The following UBASH3B variants were observed in gnomAD, a reference collection of about 807,000 sequenced individuals.
UBASH3B encodes ubiquitin-associated and SH3 domain-containing protein B.
A neutral mutation model predicts 83.4 loss-of-function variants in UBASH3B; 37 were observed. The observed-to-expected ratio is 0.44, with a 90% CI of 0.34 to 0.58. The LOEUF (loss-of-function observed/expected upper bound fraction) is 0.58. UBASH3B is among the 20% of genes least tolerant of loss of function. The pLI is 0.01. For synonymous variants in UBASH3B, 304 were observed against 318.3 expected, an observed-to-expected ratio of 0.96 and a Z score of 0.48; for missense variants, 657 against 827.2, an observed-to-expected ratio of 0.79 and a Z score of 2.52.
At chr11:122,657,186 A>G (rs1863375846) in intron 1 of UBASH3B, among the ~76,000 whole-genome samples, 1 of 152,258 alleles carries the variant, frequency 6.6e-6, no homozygotes, top group African/African-American at 2.4e-5. Flanking sequence ...TCTTTGAATT[A>G]CAGCACCTGA....
At chr11:122,694,192 T>G (rs1863932145) in intron 1 of UBASH3B, among the ~76,000 whole-genome samples, 1 of 150,402 alleles carries the variant, frequency 6.6e-6, no homozygotes, top group Non-Finnish European at 1.5e-5. Flanking sequence ...AAAACCTCTC[T>G]AGTACTTGTT....
chr11:122,780,729 C>A (rs904687008), intron 4 of UBASH3B, among the ~76,000 whole-genome samples: 25 of 152,174 alleles, frequency 1.6e-4, no homozygotes, highest in Admixed American at 1.4e-3. Flanking sequence ...GGGCGGGTGG[C>A]AGGAGCACAG....
chr11:122,803,170 C>T (rs1476954284), intron 11 of UBASH3B, among the ~76,000 whole-genome samples: 2 of 152,050 alleles, frequency 1.3e-5, no homozygotes, highest in Admixed American at 6.6e-5. Context: ...TTCTGTTTGG[C>T]GAGGGAGTTG....
At chr11:122,680,899 G>T (rs1162825675) in intron 1 of UBASH3B, among the ~76,000 whole-genome samples, 1 of 152,180 alleles carries the variant, frequency 6.6e-6, no homozygotes. Flanking sequence ...CAAATGGTTA[G>T]TTAAGGGCTT....
At chr11:122,723,315 T>TACCA (rs1860674922) in intron 1 of UBASH3B, among the ~76,000 whole-genome samples, 1 of 152,238 alleles carries the variant, frequency 6.6e-6, no homozygotes, top group Admixed American at 6.5e-5. Flanking sequence ...TTTGCAGATG[T>TACCA]GACTCAAATA....
intron 5 of UBASH3B, among the ~76,000 whole-genome samples, chr11:122,786,640 G>C (rs1158120514): frequency 4.6e-5 from 7 of 152,172 alleles, no homozygotes; most frequent in Admixed American, 2.0e-4. Context: ...CTGGGCGACA[G>C]AGCGAGACTC....
chr11:122,782,048 C>A (rs1860864831), intron 4 of UBASH3B, among the ~76,000 whole-genome samples: 2 of 152,112 alleles, frequency 1.3e-5, no homozygotes, highest in Admixed American at 1.3e-4. Context: ...CTTCATTATT[C>A]TAGTTTGTAC....
intron 1 of UBASH3B, among the ~76,000 whole-genome samples, chr11:122,744,460 G>C (rs916975457): frequency 2.0e-4 from 30 of 152,032 alleles, no homozygotes; most frequent in Admixed American, 1.3e-3. Flanking sequence ...GCCTATATAA[G>C]TATATGATCA....
In UBASH3B at chr11:122,796,286, T is replaced by C. The variant is rs1591327861; in HGVS notation, c.1234+10T>C. The C allele has an allele frequency of 6.2e-7, 1 of 1,613,742 alleles. No homozygotes were observed. The highest frequency in any genetic ancestry group is 1.7e-5 in the Admixed American group (1 of 59,984). ...TGCTTCGATGCCAAAGGTGAGTTGG[T>C]GGTGGGCCTGCTCAGCACTGCCATA... On this transcript the variant is annotated intron_variant, in intron 8 of 13. Transcript: ENST00000284273.
intron 1 of UBASH3B, among the ~76,000 whole-genome samples, chr11:122,711,502 C>G (rs773764478): frequency 6.6e-6 from 1 of 152,208 alleles, no homozygotes; most frequent in Non-Finnish European, 1.5e-5. Context: ...CAGGCCTGAA[C>G]GGAGCCGAGG....
At chr11:122,789,634 T>C (rs1861016782) in intron 6 of UBASH3B, among the ~76,000 whole-genome samples, 1 of 152,162 alleles carries the variant, frequency 6.6e-6, no homozygotes, top group African/African-American at 2.4e-5. Flanking sequence ...CTGTCCACCT[T>C]ATCCTGGGTC....
intron 1 of UBASH3B, among the ~76,000 whole-genome samples, chr11:122,771,817 T>C (rs1425580845): frequency 6.6e-6 from 1 of 151,792 alleles, no homozygotes; most frequent in African/African-American, 2.4e-5. Flanking sequence ...TTTTTATTCT[T>C]AAATAACCAC....
At chr11:122,735,456 G>T (rs1277141123) in intron 1 of UBASH3B, among the ~76,000 whole-genome samples, 1 of 152,208 alleles carries the variant, frequency 6.6e-6, no homozygotes, top group Non-Finnish European at 1.5e-5. Context: ...TGTTCCACCA[G>T]CCCAATTCAC....
intron 1 of UBASH3B, among the ~76,000 whole-genome samples, chr11:122,729,396 C>T (rs1428401191): frequency 6.6e-6 from 1 of 152,126 alleles, no homozygotes; most frequent in Non-Finnish European, 1.5e-5. Context: ...CTGCTGAAGT[C>T]AGGACCTTCA....
At chr11:122,698,566 A>G (rs1863992415) in intron 1 of UBASH3B, among the ~76,000 whole-genome samples, 1 of 152,162 alleles carries the variant, frequency 6.6e-6, no homozygotes, top group Non-Finnish European at 1.5e-5. Flanking sequence ...AGCCTGGGGC[A>G]TATGTTTGGT....
At chr11:122,809,065 TTTTTC>T (rs537579718) in intron 13 of UBASH3B, among the ~76,000 whole-genome samples, 58 of 151,894 alleles carry the variant, frequency 3.8e-4, no homozygotes, top group African/African-American at 1.3e-3. Context: ...TTGAGCTGAC[TTTTTC>T]TTTTCTTTTT....
intron 13 of UBASH3B, among the ~76,000 whole-genome samples, chr11:122,808,720 C>T (rs1244073221): frequency 1.3e-5 from 2 of 152,224 alleles, no homozygotes; most frequent in South Asian, 2.1e-4. Flanking sequence ...CACACACTTC[C>T]CTTCAGGCAA....
rs1331849555 is a variant in UBASH3B at position 122,810,437 on chromosome 11, A to G, written c.*551A>G. 1 of 152,488 alleles carries G rather than the reference A, an allele frequency of 6.6e-6. No homozygotes were observed. The highest frequency in any genetic ancestry group is 1.5e-5 in the Non-Finnish European group (1 of 68,120). The allele number at this position is 152,488 out of a possible 1,614,324, so 9.4% of individuals were successfully genotyped here. A position where few individuals can be genotyped will look rare whatever the true frequency, so the allele number is the denominator to read the frequency against. On this transcript the variant is annotated 3_prime_UTR_variant, in exon 14 of 14. Transcript: ENST00000284273. ...ATCCTACCGTCACTAGCCCCCATAC[A>G]CCAGTGTTGCTGGCTGAAGATACCC...
At chr11:122,793,386 AAAT>A (rs1380127323) in intron 6 of UBASH3B, among the ~76,000 whole-genome samples, 1 of 152,208 alleles carries the variant, frequency 6.6e-6, no homozygotes, top group Non-Finnish European at 1.5e-5. Context: ...TCCGTCTCTA[AAAT>A]AAAATAAAAT....
Sources: allele counts gnomAD v4.1 joint callset (sites outside exome capture counted in the v4.1 genomes callset), GRCh38; gene constraint gnomAD v4.1.1; transcripts MANE v1.5; gene names NCBI Gene and HGNC (gene_info 2026-07-23, HGNC 2026-07-21).